ABCB4: variants seen among roughly 807,000 people sequenced by gnomAD.
The protein encoded by ABCB4 is ATP binding cassette subfamily B member 4.
Under a neutral mutation model 145.7 loss-of-function variants are expected in ABCB4, and 76 were observed. The observed-to-expected ratio is 0.52, with a 90% CI of 0.43 to 0.63. The LOEUF is 0.63. ABCB4 is among the 30% of genes least tolerant of loss of function. The pLI is 0.00. For missense variants in ABCB4, 1,234 were observed against 1,553.1 expected (o/e 0.79, Z 3.45); for synonymous variants, 517 against 566.8 (o/e 0.91, Z 1.25).
In ABCB4 at chr7:87,426,774, G is replaced by T. The variant is rs189568263; in HGVS notation, c.2040C>A (p.Ser680Arg). The T allele has an allele frequency of 4.3e-6, 7 of 1,613,866 alleles. No homozygotes were observed. In the East Asian group the frequency reaches 1.6e-4, roughly 36 times the overall value. ...NLKNSQMCQK[S>R]LDVETDGLEA... ...CAAGTCCATCGGTTTCCACATCAAG[G>T]CTCTTCTGACACATTTGTGAATTTT... is the stretch of plus-strand genomic sequence containing the variant. The change falls in exon 16 of 28, where the codon AGC (serine) becomes AGA (arginine). Residue 680 changes from serine (S) to arginine (R), a missense_variant. Around this residue, in one of 7 missense-constraint regions of ABCB4, gnomAD observed 321 missense variants for 332.6 expected, o/e 0.97. Coordinates refer to ENST00000649586, the MANE Select transcript of ABCB4 (RefSeq NM_000443.4).
the ABCB4 span, among the ~76,000 whole-genome samples, chr7:87,382,886 C>G: frequency 1.3e-5 from 2 of 152,166 alleles, no homozygotes; most frequent in African/African-American, 2.4e-5. Flanking sequence ...AATTATCCAG[C>G]CTTTACTCAT....
downstream of ABCB4, chr7:87,398,926 C>T (rs1244710310): frequency 3.3e-6 from 1 of 306,990 alleles, no homozygotes; most frequent in East Asian, 7.4e-5. Context: ...TCCAAATCTA[C>T]AAACTTTAAC....
chr7:87,437,984 T>C (rs1277789303), intron 14 of ABCB4, among the ~76,000 whole-genome samples: 1 of 152,166 alleles, frequency 6.6e-6, no homozygotes, highest in African/African-American at 2.4e-5. Flanking sequence ...TACTAAAACT[T>C]GCAAGATCAC....
chr7:87,381,947 GTTA>G, the ABCB4 span: 10 of 1,611,148 alleles, frequency 6.2e-6, no homozygotes, highest in Middle Eastern at 3.3e-4. Flanking sequence ...GTGAACATCA[GTTA>G]TTATGTGGAT....
At chr7:87,427,643 G>T (rs959306327) in intron 15 of ABCB4, among the ~76,000 whole-genome samples, 1 of 152,026 alleles carries the variant, frequency 6.6e-6, no homozygotes, top group African/African-American at 2.4e-5. Context: ...GTTTGTTCAG[G>T]GTCTTAGTCC....
downstream of ABCB4, chr7:87,399,454 A>G (rs932213447): frequency 1.3e-5 from 2 of 152,204 alleles, no homozygotes; most frequent in African/African-American, 4.8e-5. Context: ...TAGCCTGGGC[A>G]AGAGCGTGAG....
downstream of ABCB4, among the ~76,000 whole-genome samples, chr7:87,401,405 T>C (rs760226446): frequency 2.0e-5 from 3 of 152,216 alleles, no homozygotes; most frequent in Non-Finnish European, 4.4e-5. Context: ...GGAAAAGTAG[T>C]CTATTTATAA....
rs765729147 is a variant in ABCB4 at position 87,409,228 on chromosome 7, G to T, written c.3081+8C>A. 14 of 1,613,824 alleles carry T rather than the reference G, an allele frequency of 8.7e-6. No individual in the cohort carries two copies. The South Asian group carries it at 1.5e-4, about 18-fold the overall frequency. ...TGATCAAGCATCATCAGGCATCAGA[G>T]AACTTACAGGCTTCAGCCCCTCTTC... On this transcript the variant is annotated splice_region_variant and intron_variant, in intron 24 of 27. Transcript: ENST00000649586.
At chr7:87,475,706 C>G (rs1183543523), upstream of ABCB4, 1 of 467,560 alleles carries the variant, frequency 2.1e-6, no homozygotes, top group East Asian at 3.9e-5. Context: ...GGACTTTGCT[C>G]GCCGCGGCCT....
At position 87,412,004 on chromosome 7, in the gene ABCB4, C is replaced by G. The variant is rs1808658377; in HGVS notation, c.2813G>C (p.Gly938Ala). The change falls in exon 23 of 28, where the codon GGA (glycine) becomes GCA (alanine). Residue 938 changes from glycine to alanine, a missense_variant. This residue lies in a region of ABCB4 where 301 missense variants were observed against 389.0 expected (regional missense o/e 0.77). Transcript: ENST00000649586. ...RNSVQKAHIY[G>A]ITFSISQAFM... ...TGCTTGTGAGATACTAAAAGTAATT[C>G]CATAGATGTGTGCCTTCTGCACAGA... is the stretch of plus-strand genomic sequence containing the variant. 6.2e-7 allele frequency: 1 copy of G among 1,613,772 alleles called. No individual in the cohort carries two copies. Among genetic ancestry groups the G allele is most frequent in the African/African-American group, 1.3e-5 (1 of 75,032 alleles).
rs201634529 is a variant in ABCB4, at chr7:87,420,109, T to C, written c.2317-34A>G. On this transcript the variant is annotated intron_variant, in intron 18 of 27. Transcript: ENST00000649586. ...GAAAAAAGGCTATGGTCTCTTTTGA[T>C]CTTTATGTATGTAATTGCACCAGAC... 163 of 1,596,150 alleles carry C rather than the reference T, an allele frequency of 1.0e-4. No individual in the cohort carries two copies. The African/African-American group carries it at 2.0e-3, about 19-fold the overall frequency.
chr7:87,473,760 T>C lies in ABCB4; in HGVS notation c.81-1085A>G, dbSNP rs906071948. Among the ~76,000 whole-genome samples, 10 of 152,280 alleles carry C rather than the reference T, an allele frequency of 6.6e-5. No homozygotes were observed. In the East Asian group the frequency reaches 1.5e-3, roughly 23 times the overall value. ...GTGTGTGTGTGTATGATGATTTATA[T>C]ATATATGATGATTTTTACATAAATA... On this transcript the variant is annotated intron_variant, in intron 2 of 27. Transcript: ENST00000649586.
At chr7:87,472,107 C>T (rs954936275) in intron 3 of ABCB4, among the ~76,000 whole-genome samples, 22 of 152,162 alleles carry the variant, frequency 1.4e-4, no homozygotes, top group African/African-American at 5.3e-4. Context: ...CAGCCTGTCT[C>T]TACTTTTTAA....
chr7:87,430,669 C>T (rs1489831646), intron 15 of ABCB4, among the ~76,000 whole-genome samples: 3 of 152,058 alleles, frequency 2.0e-5, no homozygotes, highest in Admixed American at 6.6e-5. Flanking sequence ...GGACTACAGG[C>T]GTGCACCACC....
At chr7:87,432,537 G>C (rs1810315712) in intron 14 of ABCB4, among the ~76,000 whole-genome samples, 1 of 152,168 alleles carries the variant, frequency 6.6e-6, no homozygotes, top group African/African-American at 2.4e-5. Flanking sequence ...AATATTGTTA[G>C]GCCATAAAAT....
rs1808323744 is a variant in ABCB4 at position 87,407,963 on chromosome 7, T to G, written c.3279+74A>C. ...ATTCTAGGTCTACATTTGTCCAATA[T>G]TTTCCATTATGACAATATTGGTTGG... On this transcript the variant is annotated intron_variant, in intron 25 of 27. Coordinates refer to ENST00000649586, the MANE Select transcript of ABCB4 (RefSeq NM_000443.4). The G allele has an allele frequency of 3.2e-6, 5 of 1,585,998 alleles. No individual in the cohort carries two copies. The South Asian group carries it at 3.3e-5, about 11-fold the overall frequency.
intron 9 of ABCB4, among the ~76,000 whole-genome samples, chr7:87,446,391 C>T (rs1336141663): frequency 6.6e-6 from 1 of 151,904 alleles, no homozygotes; most frequent in Non-Finnish European, 1.5e-5. Flanking sequence ...ATAGTATGAT[C>T]CCAGTTTTGA....
At position 87,443,590 on chromosome 7, in the gene ABCB4, A is replaced by G. The variant is rs560642143; in HGVS notation, c.1230+73T>C. The G allele has an allele frequency of 6.5e-6, 10 of 1,528,360 alleles. No individual in the cohort carries two copies. In the Admixed American group the frequency reaches 1.7e-4, roughly 26 times the overall value. 94.7% of individuals were successfully genotyped at this position (1,528,360 alleles called of 1,614,324 possible). On this transcript the variant is annotated intron_variant, in intron 11 of 27. Transcript: ENST00000649586. ...AAAGGCACATAAGTATCAAAATAAT[A>G]GAGACTTTATTCTTTAAAATGATTC...
At chr7:87,396,640 T>C in the ABCB4 span, among the ~76,000 whole-genome samples, 2 of 151,942 alleles carry the variant, frequency 1.3e-5, no homozygotes, top group African/African-American at 4.8e-5. Flanking sequence ...TTTCATCTCT[T>C]CTACCCCAAG....
Sources: allele counts gnomAD v4.1 joint callset (sites outside exome capture counted in the v4.1 genomes callset), GRCh38; gene constraint gnomAD v4.1.1; regional missense constraint gnomAD v4.1.1; transcripts MANE v1.5; gene names NCBI Gene and HGNC (gene_info 2026-07-23, HGNC 2026-07-21).